Variants in FNIP1 observed in about 807,000 individuals in gnomAD.
FNIP1 encodes the protein folliculin interacting protein 1.
A neutral mutation model predicts 124.5 loss-of-function variants in FNIP1; 40 were observed. The observed-to-expected ratio is 0.32, with a 90% confidence interval of 0.25 to 0.42. The LOEUF (loss-of-function observed/expected upper bound fraction) is 0.42. FNIP1 is among the 10% of genes least tolerant of loss of function. The pLI is 1.00. For missense variants in FNIP1, 1,176 were observed against 1,403.7 expected (o/e 0.84, Z 2.59); for synonymous variants, 472 against 470.6 (o/e 1.00, Z -0.04).
chr5:131,664,176 G>C (rs969402421), intron 15 of FNIP1, among the ~76,000 whole-genome samples: 6 of 152,060 alleles, frequency 3.9e-5, no homozygotes, highest in Non-Finnish European at 8.8e-5. Context: ...CCAAAATCTG[G>C]GCTCACATGT....
chr5:131,711,447 T>G (rs767772741), intron 6 of FNIP1, among the ~76,000 whole-genome samples: 2 of 152,236 alleles, frequency 1.3e-5, no homozygotes, highest in Admixed American at 6.5e-5. Context: ...GACATTTAAC[T>G]AGGATGGAAT....
intron 1 of FNIP1, among the ~76,000 whole-genome samples, chr5:131,784,618 C>T (rs865829203): frequency 4.0e-5 from 6 of 151,710 alleles, no homozygotes; most frequent in African/African-American, 1.2e-4. Context: ...CCCAGGAGTT[C>T]GAGACCAGCC....
intron 1 of FNIP1, among the ~76,000 whole-genome samples, chr5:131,791,878 G>T (rs1281627252): frequency 6.7e-6 from 1 of 148,812 alleles, no homozygotes; most frequent in Non-Finnish European, 1.5e-5. Context: ...ATTATGGAAA[G>T]AAAAAAAAAA....
At chr5:131,716,246 A>G (rs1769462513) in intron 6 of FNIP1, among the ~76,000 whole-genome samples, 1 of 152,206 alleles carries the variant, frequency 6.6e-6, no homozygotes, top group Non-Finnish European at 1.5e-5. Context: ...TAGCCAAAAG[A>G]ACTACTAAGG....
chr5:131,724,498 T>C (rs575730924), intron 3 of FNIP1, among the ~76,000 whole-genome samples: 1 of 152,356 alleles, frequency 6.6e-6, no homozygotes, highest in Non-Finnish European at 1.5e-5. Context: ...GTTGGCCGTG[T>C]AAATGTCTTC....
At chr5:131,752,050 CT>C (rs971921452) in intron 1 of FNIP1, among the ~76,000 whole-genome samples, 3 of 151,262 alleles carry the variant, frequency 2.0e-5, no homozygotes, top group Admixed American at 6.6e-5. Context: ...AGTTTGTATT[CT>C]TTTTTTTTGG....
intron 11 of FNIP1, among the ~76,000 whole-genome samples, chr5:131,693,301 TATATATATATATATAC>T: frequency 3.9e-5 from 1 of 25,620 alleles, no homozygotes; most frequent in Admixed American, 4.7e-4. Context: ...TATATACATA[TATATATATATATATAC>T]ACATATATAT....
At chr5:131,673,707 C>T (rs1201854303) in intron 13 of FNIP1, among the ~76,000 whole-genome samples, 3 of 152,142 alleles carry the variant, frequency 2.0e-5, no homozygotes, top group Non-Finnish European at 4.4e-5. Flanking sequence ...AAGCTATAGT[C>T]GTCACACCAC....
At chr5:131,741,278 T>C (rs1431675492) in intron 2 of FNIP1, among the ~76,000 whole-genome samples, 1 of 152,188 alleles carries the variant, frequency 6.6e-6, no homozygotes, top group African/African-American at 2.4e-5. Flanking sequence ...AACAGTCATT[T>C]TTCATAAAAT....
rs149339228 is a variant in FNIP1 at position 131,694,582 on chromosome 5, G to A, written c.1202+4335C>T. ...TAAAGAGGTAAAGAGATCAGTGGTT[G>A]CCAGCAGTTAGTGGGTAGGGATAAA... On this transcript the variant is annotated intron_variant, in intron 11 of 17. Transcript: ENST00000510461. 2.0e-3 allele frequency among the ~76,000 whole-genome samples: 308 copies of A among 152,250 alleles called. 1 individual carries two copies. Among genetic ancestry groups the A allele is most frequent in the African/African-American group, 7.1e-3 (295 of 41,550 alleles).
At chr5:131,695,280 C>T (rs1431301076) in intron 11 of FNIP1, among the ~76,000 whole-genome samples, 4 of 152,124 alleles carry the variant, frequency 2.6e-5, no homozygotes, top group Admixed American at 6.5e-5. Flanking sequence ...TGGGCACGTG[C>T]GTGCATAAAC....
chr5:131,690,613 T>A (rs1434406750), intron 11 of FNIP1, among the ~76,000 whole-genome samples: 3 of 152,174 alleles, frequency 2.0e-5, no homozygotes, highest in Non-Finnish European at 4.4e-5. Flanking sequence ...TCCTGAGGCC[T>A]CCACAGCCAT....
intron 1 of FNIP1, among the ~76,000 whole-genome samples, chr5:131,779,378 T>C (rs1442829143): frequency 7.2e-5 from 11 of 152,076 alleles, no homozygotes; most frequent in African/African-American, 1.7e-4. Context: ...CAAGGATGTA[T>C]ACATGAAATG....
rs10052961 is a variant in FNIP1 at position 131,642,439 on chromosome 5, C to G, written c.*2246G>C. ...CAGCAAAGCTTAGCTTTAGGAACAA[C>G]AATAGCATGAGCCACCCACTTATTG... On this transcript the variant is annotated 3_prime_UTR_variant, in exon 18 of 18. Transcript: ENST00000510461. The G allele has an allele frequency of 0.074, 11,249 of 152,112 alleles. 856 individuals are homozygous for G. Among genetic ancestry groups the G allele is most frequent in the African/African-American group, 0.2 (8,140 of 41,396 alleles). The allele number at this position is 152,112 out of a possible 1,614,324, so 9.4% of individuals were successfully genotyped here.
intron 17 of FNIP1, among the ~76,000 whole-genome samples, chr5:131,646,791 T>G (rs1236041988): frequency 1.3e-5 from 2 of 152,162 alleles, no homozygotes; most frequent in East Asian, 3.8e-4. Flanking sequence ...GAATAATGAG[T>G]TTGCAACATA....
intron 6 of FNIP1, among the ~76,000 whole-genome samples, chr5:131,715,173 G>A (rs893768523): frequency 6.6e-6 from 1 of 152,132 alleles, no homozygotes; most frequent in Non-Finnish European, 1.5e-5. Flanking sequence ...AAGTAATAAT[G>A]GATTTGTGTT....
intron 1 of FNIP1, among the ~76,000 whole-genome samples, chr5:131,768,320 T>G (rs1227876815): frequency 6.6e-6 from 1 of 152,184 alleles, no homozygotes; most frequent in African/African-American, 2.4e-5. Flanking sequence ...CTAATTGAAA[T>G]GTACCTGGCC....
chr5:131,699,700 T>A (rs999092130), intron 10 of FNIP1, among the ~76,000 whole-genome samples: 5 of 151,546 alleles, frequency 3.3e-5, no homozygotes, highest in African/African-American at 9.7e-5. Context: ...CCCTGTTAAC[T>A]CTTTTTTAAA....
chr5:131,734,306 T>A (rs1357194631), intron 2 of FNIP1, among the ~76,000 whole-genome samples: 1 of 152,170 alleles, frequency 6.6e-6, no homozygotes, highest in Non-Finnish European at 1.5e-5. Flanking sequence ...TTTGAAGGGT[T>A]TTTTGTGTCT....
Sources: allele counts gnomAD v4.1 joint callset (sites outside exome capture counted in the v4.1 genomes callset), GRCh38; gene constraint gnomAD v4.1.1; transcripts MANE v1.5; gene names NCBI Gene and HGNC (gene_info 2026-07-23, HGNC 2026-07-21).